PPEF1: variants seen among roughly 807,000 people sequenced by gnomAD.
PPEF1 encodes protein phosphatase with EF-hand domain 1, also known as serine/threonine-protein phosphatase with EF-hands 1.
A neutral mutation model predicts 53.3 loss-of-function variants in PPEF1; 12 were observed. The ratio of observed to expected loss-of-function variants is 0.23; its 90% confidence interval spans 0.14 to 0.36. The LOEUF is 0.36. PPEF1 is among the 10% of genes least tolerant of loss of function. The pLI is 1.00. For missense variants in PPEF1, 334 were observed against 490.4 expected, an observed-to-expected ratio of 0.68 and a Z score of 3.01; for synonymous variants, 165 against 176.7, an observed-to-expected ratio of 0.93 and a Z score of 0.52.
chrX:18,708,103 G>A (rs2044241398), intron 1 of PPEF1, among the ~76,000 whole-genome samples: 1 of 112,238 alleles, frequency 8.9e-6, no homozygotes, highest in African/African-American at 3.2e-5. Flanking sequence ...TCAGTGGCAG[G>A]GAACAAGAAA....
At chrX:18,817,412 G>A (rs2046942717) in intron 12 of PPEF1, among the ~76,000 whole-genome samples, 1 of 110,249 alleles carries the variant, frequency 9.1e-6, no homozygotes, top group Admixed American at 9.8e-5. Flanking sequence ...TGCAATCTCA[G>A]CTCACTGCAA....
chrX:18,737,781 G>A (rs1464708343), intron 3 of PPEF1, among the ~76,000 whole-genome samples: 1 of 110,706 alleles, frequency 9.0e-6, no homozygotes, highest in African/African-American at 3.3e-5. Flanking sequence ...GGTCACTCAG[G>A]ACTTGCTTTA....
chrX:18,825,675 T>C, intron 14 of PPEF1, 76 bp from the exon 15 acceptor site: 2 of 619,936 alleles, frequency 3.2e-6, no homozygotes, highest in Non-Finnish European at 4.8e-6. Context: ...TGATGTTTTC[T>C]GTTTGTTACA....
intron 13 of PPEF1, among the ~76,000 whole-genome samples, chrX:18,821,762 AG>A (rs2047054644): frequency 4.0e-4 from 3 of 7,497 alleles, no homozygotes; most frequent in Non-Finnish European, 1.0e-3. Flanking sequence ...CCATGGCGAG[AG>A]AGAGAGAGAG....
At chrX:18,732,877 T>C (rs1195884608) in intron 2 of PPEF1, among the ~76,000 whole-genome samples, 1 of 111,976 alleles carries the variant, frequency 8.9e-6, no homozygotes, top group East Asian at 2.8e-4. Flanking sequence ...TATTTAAGAA[T>C]ATTCCTTAAC....
chrX:18,729,696 A>G lies in PPEF1; in HGVS notation c.47-485A>G, dbSNP rs552645133. On this transcript the variant is annotated intron_variant, in intron 1 of 15. Transcript: ENST00000470157. ...AACTTCCTATTGCCACAAAGAAGCA[A>G]TTGCATCCCCATATGTCTCCTTGAT... is the stretch of plus-strand genomic sequence containing the variant. 1.5e-4 allele frequency among the ~76,000 whole-genome samples: 17 copies of G among 112,185 alleles called. No individual in the cohort carries two copies. The South Asian group carries it at 6.3e-3, about 42-fold the overall frequency.
chrX:18,722,342 G>A (rs193195746), intron 1 of PPEF1, among the ~76,000 whole-genome samples: 19 of 111,902 alleles, frequency 1.7e-4, no homozygotes, highest in African/African-American at 6.2e-4. Context: ...TCGCACTTGT[G>A]CCTGGGTCTC....
chrX:18,718,621 A>G (rs1027687593), intron 1 of PPEF1, among the ~76,000 whole-genome samples: 1 of 111,480 alleles, frequency 9.0e-6, no homozygotes, highest in South Asian at 3.8e-4. Context: ...CACACACAAC[A>G]CAACACAAAA....
Position 18,827,300 on chromosome X carries a change from G to A in PPEF1, c.1775G>A (p.Arg592His), listed in dbSNP as rs946644740. ...GGCCTGATCTCCGTGGAAGAATTTC[G>A]TGCCATGTGGAAACTTTTTAGTTCT... is the stretch of plus-strand genomic sequence containing the variant. ...HSGLISVEEFRAMWKLFSSHY... is the reference protein window; with the variant it reads ...HSGLISVEEFHAMWKLFSSHY... The change falls in exon 16 of 16, where the codon CGT becomes CAT. Residue 592 changes from arginine (R) to histidine (H), a missense_variant. By Grantham distance (29) the Arg-to-His change is conservative. Transcript: ENST00000470157. The A allele has an allele frequency of 1.2e-5, 15 of 1,208,092 alleles. No homozygotes were observed. Among genetic ancestry groups the A allele is most frequent in the East Asian group, 5.9e-5 (2 of 33,823 alleles).
At chrX:18,762,082 T>A (rs2045678681) in intron 6 of PPEF1, among the ~76,000 whole-genome samples, 1 of 111,629 alleles carries the variant, frequency 9.0e-6, no homozygotes, top group African/African-American at 3.3e-5. Flanking sequence ...TCCTCTTCAT[T>A]TATTGCATTT....
intron 6 of PPEF1, among the ~76,000 whole-genome samples, chrX:18,768,784 T>A (rs2147535328): frequency 8.9e-6 from 1 of 112,244 alleles, no homozygotes; most frequent in Admixed American, 9.4e-5. Context: ...TGGGGAAGGT[T>A]GGCTGATAAA....
chrX:18,695,366 G>C (rs986080165), intron 4 of PPEF1, among the ~76,000 whole-genome samples: 2 of 112,785 alleles, frequency 1.8e-5, no homozygotes, highest in African/African-American at 6.4e-5. Context: ...TCATAGAAGT[G>C]ACATCCCAAT....
intron 9 of PPEF1, among the ~76,000 whole-genome samples, chrX:18,786,795 AAAAAAGAAAAG>A (rs1490595745): frequency 1.3e-5 from 1 of 76,201 alleles, no homozygotes; most frequent in African/African-American, 5.1e-5. Context: ...AAAAAAAAAA[AAAAAAGAAAAG>A]AAAAGAAAAT....
chrX:18,750,576 C>T (rs1602412432), intron 4 of PPEF1, among the ~76,000 whole-genome samples: 1 of 111,877 alleles, frequency 8.9e-6, no homozygotes, highest in East Asian at 2.8e-4. Context: ...ATCATTTCCA[C>T]CTTTTGGCTA....
intron 12 of PPEF1, among the ~76,000 whole-genome samples, chrX:18,807,326 C>T (rs766733959): frequency 1.3e-4 from 14 of 111,919 alleles, no homozygotes; most frequent in African/African-American, 3.6e-4. Context: ...CCACTGCGCC[C>T]GGTCTAAGAT....
rs369583871 is a variant in PPEF1, at chrX:18,815,554, G to A, written c.1395-2485G>A. 1.8e-4 allele frequency among the ~76,000 whole-genome samples: 20 copies of A among 111,834 alleles called. No homozygotes were observed. In the South Asian group the frequency reaches 3.7e-3, roughly 21 times the overall value. On this transcript the variant is annotated intron_variant, in intron 12 of 15. Transcript: ENST00000470157. ...AATTTCTTCCTAGTCAGTTTTGATC[G>A]TTTGTGTCATTCTAGCAATTTGTCC...
chrX:18,701,651 A>AGGCTCTTTGGGAAATAGTGGTC (rs1930130130), intron 6 of PPEF1, among the ~76,000 whole-genome samples: 1 of 112,184 alleles, frequency 8.9e-6, no homozygotes. Flanking sequence ...GCCCCTTGCT[A>AGGCTCTTTGGGAAATAGTGGTC]GGCTCTTTGG....
At chrX:18,704,447 C>T (rs1452675036), upstream of PPEF1, among the ~76,000 whole-genome samples, 1 of 110,444 alleles carries the variant, frequency 9.1e-6, no homozygotes, top group African/African-American at 3.3e-5. Context: ...TCTGCATCCC[C>T]CCACCCCCAA....
In PPEF1 at chrX:18,783,332, G is replaced by A. The variant is rs181794062; in HGVS notation, c.763-567G>A. ...GTTGCTTGGTTTGCATATGAAGGGCGAGTCATTGACTATCTAGGAATTAGC... is the reference window on the plus strand; with the variant it reads ...GTTGCTTGGTTTGCATATGAAGGGCAAGTCATTGACTATCTAGGAATTAGC... On this transcript the variant is annotated intron_variant, in intron 8 of 15. Coordinates refer to ENST00000470157, the MANE Select transcript of PPEF1 (RefSeq NM_001377996.1). 2.7e-5 allele frequency among the ~76,000 whole-genome samples: 3 copies of A among 109,841 alleles called. No individual in the cohort carries two copies. In the East Asian group the frequency reaches 8.6e-4, roughly 31 times the overall value.
Sources: gnomAD v4.1 joint callset for allele counts (sites outside exome capture counted in the v4.1 genomes callset) on GRCh38, gnomAD v4.1.1 for gene constraint, MANE v1.5 for transcripts, NCBI Gene and HGNC (gene_info 2026-07-23, HGNC 2026-07-21) for gene names.